Variants in CADM2 observed in about 807,000 individuals in gnomAD.
The protein encoded by CADM2 is cell adhesion molecule 2.
Under a neutral mutation model 49.8 loss-of-function variants are expected in CADM2, and 12 were observed. That is an observed-to-expected ratio of 0.24 (90% CI 0.15 to 0.39). CADM2 has a LOEUF of 0.39. Ranked by LOEUF, CADM2 falls within the 10% of genes least tolerant of loss-of-function variation. The pLI is 1.00. For missense variants in CADM2, 378 were observed against 492.3 expected (o/e 0.77, Z 2.20); for synonymous variants, 214 against 175.4 (o/e 1.22, Z -1.74).
intron 1 of CADM2, among the ~76,000 whole-genome samples, chr3:85,272,118 C>A (rs910907420): frequency 1.3e-5 from 2 of 150,882 alleles, no homozygotes; most frequent in Non-Finnish European, 3.0e-5. Context: ...TGCTAATGAT[C>A]CAAGGTCACA....
At chr3:85,937,110 C>A (rs1321845169) in intron 7 of CADM2, among the ~76,000 whole-genome samples, 1 of 151,690 alleles carries the variant, frequency 6.6e-6, no homozygotes, top group Non-Finnish European at 1.5e-5. Context: ...ACAGTAGAAA[C>A]ATTATTTTAC....
At chr3:85,284,658 C>T (rs141135326) in intron 1 of CADM2, among the ~76,000 whole-genome samples, 1 of 152,016 alleles carries the variant, frequency 6.6e-6, no homozygotes, top group East Asian at 1.9e-4. Flanking sequence ...TTCTGCCTGC[C>T]TGCCTATGCA....
At position 85,392,911 on chromosome 3, in the gene CADM2, C is replaced by A. The variant is rs537685569; in HGVS notation, c.62-333611C>A. The stretch of plus-strand genomic sequence containing the variant: ...TATTCTTACTATCATTTTTAATTTT[C>A]TTTTTCTGTGTTGTATACTAAAACA... On this transcript the variant is annotated intron_variant, in intron 1 of 9. Transcript: ENST00000383699. 3.3e-5 allele frequency among the ~76,000 whole-genome samples: 5 copies of A among 151,854 alleles called. No individual in the cohort carries two copies. In the South Asian group the frequency reaches 6.2e-4, roughly 19 times the overall value.
chr3:85,719,352 A>G (rs1041412034), intron 1 of CADM2, among the ~76,000 whole-genome samples: 2 of 152,164 alleles, frequency 1.3e-5, no homozygotes, highest in African/African-American at 4.8e-5. Context: ...CTTGAACAAC[A>G]TGGGGGTTAG....
chr3:85,412,089 C>A (rs2035681623), intron 1 of CADM2, among the ~76,000 whole-genome samples: 1 of 152,028 alleles, frequency 6.6e-6, no homozygotes, highest in South Asian at 2.1e-4. Context: ...TTTAGCGGAC[C>A]AAAGTTATGG....
intron 2 of CADM2, among the ~76,000 whole-genome samples, chr3:85,777,398 G>A (rs996913270): frequency 6.6e-6 from 1 of 151,954 alleles, no homozygotes; most frequent in African/African-American, 2.4e-5. Flanking sequence ...TGGAACTACA[G>A]GCACATGCCA....
chr3:85,016,391 G>A (rs2034249166), intron 1 of CADM2, among the ~76,000 whole-genome samples: 2 of 152,242 alleles, frequency 1.3e-5, no homozygotes, highest in African/African-American at 4.8e-5. Flanking sequence ...GGTTGGTTTA[G>A]AGGATGCAGT....
chr3:85,253,949 T>C (rs1275856006), intron 1 of CADM2, among the ~76,000 whole-genome samples: 1 of 152,112 alleles, frequency 6.6e-6, no homozygotes, highest in East Asian at 1.9e-4. Context: ...CTGGTTGTCT[T>C]AGAATTCAGT....
intron 1 of CADM2, among the ~76,000 whole-genome samples, chr3:84,971,825 G>T (rs2031463528): frequency 6.6e-6 from 1 of 152,046 alleles, no homozygotes; most frequent in Non-Finnish European, 1.5e-5. Flanking sequence ...AGGCATTAGG[G>T]ATATTTTCTC....
rs71112107 is a variant in CADM2 at position 85,688,564 on chromosome 3, C to CTTT, written c.62-37945_62-37943dup. Among the ~76,000 whole-genome samples, 718 of 135,508 alleles carry CTTT rather than the reference C, an allele frequency of 5.3e-3. 11 individuals carry two copies. The highest frequency in any genetic ancestry group is 0.02 in the East Asian group (92 of 4,674). 88.9% of individuals were successfully genotyped at this position (135,508 alleles called of 152,430 possible). The stretch of plus-strand genomic sequence containing the variant: ...AAATTTGGCAGTTTATTTATTTATT[C>CTTT]TTTTTTTTTTTTTTTGAGACAGTGT... On this transcript the variant is annotated intron_variant, in intron 1 of 9. Coordinates refer to ENST00000383699, the MANE Select transcript of CADM2 (RefSeq NM_001167675.2).
intron 8 of CADM2, among the ~76,000 whole-genome samples, chr3:86,001,687 G>T (rs142109051): frequency 6.6e-5 from 10 of 152,172 alleles, no homozygotes; most frequent in African/African-American, 2.4e-4. Context: ...CCAGATAAAG[G>T]AATACTAGAA....
intron 1 of CADM2, among the ~76,000 whole-genome samples, chr3:85,701,971 CATAGAT>C (rs2066782610): frequency 7.4e-6 from 1 of 134,232 alleles, no homozygotes; most frequent in Non-Finnish European, 1.5e-5. Flanking sequence ...GATAGATAGA[CATAGAT>C]AGATAGATAG....
rs1306954340 is a variant in CADM2, at chr3:85,657,751, TATATACACAGATATATATATATATAC to T, written c.62-68763_62-68738del. 2.8e-5 allele frequency among the ~76,000 whole-genome samples: 3 copies of T among 105,692 alleles called. No homozygotes were observed. The East Asian group carries it at 9.2e-4, about 32-fold the overall frequency. 69.3% of individuals were successfully genotyped at this position (105,692 alleles called of 152,430 possible). On this transcript the variant is annotated intron_variant, in intron 1 of 9. Coordinates refer to ENST00000383699, the MANE Select transcript of CADM2 (RefSeq NM_001167675.2). ...ACAGATATATATATACAGATATATATATATACACAGATATATATATATATACATATACATGTTTTGAGTTAAATTGT... is the reference window on the plus strand; with the variant it reads ...ACAGATATATATATACAGATATATATATATACATGTTTTGAGTTAAATTGT...
intron 3 of CADM2, among the ~76,000 whole-genome samples, chr3:85,813,341 G>A (rs1413594094): frequency 2.6e-5 from 4 of 152,140 alleles, no homozygotes; most frequent in Admixed American, 6.5e-5. Context: ...CTGCATAAAT[G>A]TCTTCTTTTG....
At chr3:85,067,073 T>C (rs1167031478) in intron 1 of CADM2, among the ~76,000 whole-genome samples, 1 of 152,192 alleles carries the variant, frequency 6.6e-6, no homozygotes, top group African/African-American at 2.4e-5. Flanking sequence ...TTAAAAATTT[T>C]TGTTAAAAAC....
intron 1 of CADM2, among the ~76,000 whole-genome samples, chr3:85,581,636 T>C (rs1293583852): frequency 2.6e-5 from 4 of 152,170 alleles, no homozygotes; most frequent in Non-Finnish European, 4.4e-5. Context: ...TTGAACCCTG[T>C]AACACTTGAG....
In CADM2 at chr3:85,256,692, G is replaced by C. The variant is rs565734204; in HGVS notation, c.61+297024G>C. Among the ~76,000 whole-genome samples, 10 of 152,182 alleles carry C rather than the reference G, an allele frequency of 6.6e-5. No homozygotes were observed. In the East Asian group the frequency reaches 1.5e-3, roughly 24 times the overall value. Reference sequence around the variant, plus strand: ...TTTTGATTAACATCAAGGTTTGTTAGATTATAAAGCCCTGTTATAAATATA... The same window carrying C: ...TTTTGATTAACATCAAGGTTTGTTACATTATAAAGCCCTGTTATAAATATA... On this transcript the variant is annotated intron_variant, in intron 1 of 9. Coordinates refer to ENST00000383699, the MANE Select transcript of CADM2 (RefSeq NM_001167675.2).
At chr3:85,424,312 A>G (rs1223309669) in intron 1 of CADM2, among the ~76,000 whole-genome samples, 1 of 151,542 alleles carries the variant, frequency 6.6e-6, no homozygotes, top group Non-Finnish European at 1.5e-5. Flanking sequence ...AAAAAATTAT[A>G]TTTGAAAAAT....
intron 7 of CADM2, among the ~76,000 whole-genome samples, chr3:85,953,576 T>C (rs990546918): frequency 6.6e-6 from 1 of 150,912 alleles, no homozygotes; most frequent in Non-Finnish European, 1.5e-5. Context: ...GTCCCTAATA[T>C]AGGTGATGAA....
Sources: gnomAD v4.1 joint callset for allele counts (sites outside exome capture counted in the v4.1 genomes callset) on GRCh38, gnomAD v4.1.1 for gene constraint, MANE v1.5 for transcripts, NCBI Gene and HGNC (gene_info 2026-07-23, HGNC 2026-07-21) for gene names.